The following BICD1 variants were observed in gnomAD, a reference collection of about 807,000 sequenced individuals.
The protein encoded by BICD1 is BICD cargo adaptor 1, also known as protein bicaudal D homolog 1.
BICD1 carries 35 observed loss-of-function variants against 92.5 expected under a neutral mutation model. The observed-to-expected ratio is 0.38, with a 90% CI of 0.29 to 0.50. The LOEUF (loss-of-function observed/expected upper bound fraction) is 0.50, where lower values mean the gene tolerates loss of function less well. Among genes scored for constraint, BICD1 ranks in the 20% least tolerant of loss-of-function variants. BICD1 has a pLI of 0.93. For missense variants in BICD1, 950 were observed against 1,189.8 expected (o/e 0.80, Z 2.97); for synonymous variants, 429 against 465.1 (o/e 0.92, Z 1.00).
intron 1 of BICD1, among the ~76,000 whole-genome samples, chr12:32,139,918 T>A (rs943065088): frequency 5.3e-5 from 8 of 152,146 alleles, no homozygotes; most frequent in African/African-American, 1.7e-4. Context: ...GTGTTTCAGT[T>A]TTCAGAGTCT....
At chr12:32,186,984 C>T (rs546285081) in intron 1 of BICD1, among the ~76,000 whole-genome samples, 25 of 152,250 alleles carry the variant, frequency 1.6e-4, no homozygotes, top group Admixed American at 2.6e-4. Context: ...CTAACTGGCT[C>T]AGTGAATTTG....
At chr12:32,348,743 T>A (rs575509790) in intron 8 of BICD1, among the ~76,000 whole-genome samples, 25 of 19,316 alleles carry the variant, frequency 1.3e-3, no homozygotes, top group East Asian at 0.013. Flanking sequence ...TATATATATA[T>A]ATATATATAT....
At chr12:32,126,253 A>C (rs538925456) in intron 1 of BICD1, among the ~76,000 whole-genome samples, 8 of 152,010 alleles carry the variant, frequency 5.3e-5, no homozygotes, top group Non-Finnish European at 1.2e-4. Context: ...GTGGTGGGAA[A>C]AATTGTATAC....
chr12:32,291,862 T>C (rs1947734784), intron 2 of BICD1, among the ~76,000 whole-genome samples: 1 of 151,964 alleles, frequency 6.6e-6, no homozygotes, highest in Non-Finnish European at 1.5e-5. Context: ...CTGTGGACTA[T>C]GAAGCAAGAT....
At chr12:32,243,406 G>T (rs79910860) in intron 2 of BICD1, among the ~76,000 whole-genome samples, 1 of 151,462 alleles carries the variant, frequency 6.6e-6, no homozygotes, top group Non-Finnish European at 1.5e-5. Flanking sequence ...GAGCAACTGC[G>T]TCTGGCCAGG....
intron 1 of BICD1, among the ~76,000 whole-genome samples, chr12:32,171,952 C>G (rs1270800591): frequency 3.8e-5 from 1 of 26,242 alleles, no homozygotes; most frequent in Admixed American, 4.0e-4. Flanking sequence ...CACACACACA[C>G]ACACACACAC....
At chr12:32,329,457 C>T (rs780941768) in intron 5 of BICD1, among the ~76,000 whole-genome samples, 4 of 152,030 alleles carry the variant, frequency 2.6e-5, no homozygotes, top group Non-Finnish European at 4.4e-5. Context: ...GAAACAAGAG[C>T]GCTAAATAAA....
At chr12:32,263,070 G>C (rs947078215) in intron 2 of BICD1, among the ~76,000 whole-genome samples, 7 of 152,046 alleles carry the variant, frequency 4.6e-5, no homozygotes, top group African/African-American at 1.7e-4. Context: ...GGGCAGCCAA[G>C]GCTGTAGTGA....
chr12:32,297,845 G>A lies in BICD1; in HGVS notation c.579+3699G>A, dbSNP rs114924572. On this transcript the variant is annotated intron_variant, in intron 3 of 9. Transcript: ENST00000652176. ...CCTTCCATTAACATATAGCACCTAC[G>A]ATAGAGCCTGATCCACAGTAGATAT... Among the ~76,000 whole-genome samples the A allele has an allele frequency of 3.4e-3, 522 of 151,814 alleles. 5 individuals carry two copies. The highest frequency in any genetic ancestry group is 0.011 in the African/African-American group (461 of 41,346).
At chr12:32,176,076 G>A (rs937055536) in intron 1 of BICD1, among the ~76,000 whole-genome samples, 2 of 152,098 alleles carry the variant, frequency 1.3e-5, no homozygotes, top group Non-Finnish European at 2.9e-5. Flanking sequence ...TTCCTCTGTT[G>A]CTGAATAATA....
chr12:32,373,644 G>A lies in BICD1; in HGVS notation c.2841-3896G>A, dbSNP rs186021762. 2.2e-3 allele frequency among the ~76,000 whole-genome samples: 333 copies of A among 152,096 alleles called. 1 individual carries two copies. The highest frequency in any genetic ancestry group is 7.7e-3 in the African/African-American group (320 of 41,502). ...TCCCAACACTTTGGGAGGCTGAGGC[G>A]GGTGGATCACAAGGTCAGGAGTTCG... On this transcript the variant is annotated intron_variant, in intron 9 of 9. Coordinates refer to ENST00000652176, the MANE Select transcript of BICD1 (RefSeq NM_001714.4).
rs1363779246 is a variant in BICD1, at chr12:32,106,974, C to T, written c.-358C>T. On this transcript the variant is annotated 5_prime_UTR_variant, in exon 1 of 10. Coordinates refer to ENST00000652176, the MANE Select transcript of BICD1 (RefSeq NM_001714.4). ...CGGCCCGGGAGACATGGCGGACGGG[C>T]GTCTCTGAATAAGCAGAATCCGGAG... 1.2e-5 allele frequency: 3 copies of T among 242,450 alleles called. No individual in the cohort carries two copies. The highest frequency in any genetic ancestry group is 1.1e-4 in the East Asian group (1 of 9,238). 15.0% of individuals were successfully genotyped at this position (242,450 alleles called of 1,614,324 possible). A position where few individuals can be genotyped will look rare whatever the true frequency, so the allele number is the denominator to read the frequency against.
Position 32,327,464 on chromosome 12 carries a change from G to C in BICD1, c.1009G>C (p.Glu337Gln), listed in dbSNP as rs1038396187. The C allele has an allele frequency of 6.3e-7, 1 of 1,595,514 alleles. No homozygotes were observed. Among genetic ancestry groups the C allele is most frequent in the Non-Finnish European group, 8.6e-7 (1 of 1,168,784 alleles). ...AAACTTTCTTTTGCCATTGCAGGTA[G>C]AGCGGGAAAAGGCCATTCTTTTGGC... ...QKLKQQLMQV[E>Q]REKAILLANL... Residue 337 changes from glutamate to glutamine, a missense_variant, in exon 5 of 10, where the codon GAG becomes CAG. Coordinates refer to ENST00000652176, the MANE Select transcript of BICD1 (RefSeq NM_001714.4).
At chr12:32,252,080 ATTT>A (rs1946553600) in intron 2 of BICD1, among the ~76,000 whole-genome samples, 1 of 45,236 alleles carries the variant, frequency 2.2e-5, no homozygotes, top group African/African-American at 1.0e-4. Flanking sequence ...TATAATATAT[ATTT>A]ATAAATATAT....
At chr12:32,135,717 T>G (rs1942714488) in intron 1 of BICD1, among the ~76,000 whole-genome samples, 1 of 152,130 alleles carries the variant, frequency 6.6e-6, no homozygotes, top group Admixed American at 6.5e-5. Context: ...AGCGTGAATC[T>G]CTAATTCACC....
intron 8 of BICD1, among the ~76,000 whole-genome samples, chr12:32,342,278 G>A (rs1447320896): frequency 7.2e-6 from 1 of 137,952 alleles, no homozygotes; most frequent in Non-Finnish European, 1.5e-5. Context: ...TTTTTGAGAC[G>A]GAGTTTTCCT....
intron 2 of BICD1, among the ~76,000 whole-genome samples, chr12:32,278,354 A>C (rs946084825): frequency 3.3e-5 from 5 of 152,352 alleles, no homozygotes. Flanking sequence ...TTGAATTTTA[A>C]ACAGAGAAAG....
At chr12:32,196,383 A>C (rs35973578) in intron 1 of BICD1, among the ~76,000 whole-genome samples, 4,358 of 152,308 alleles carry the variant, frequency 0.029, 75 homozygotes, top group Non-Finnish European at 0.04. Context: ...AAACAACCTA[A>C]GTATCTGTCA....
intron 1 of BICD1, among the ~76,000 whole-genome samples, chr12:32,116,829 C>G (rs1188572017): frequency 6.6e-6 from 1 of 152,018 alleles, no homozygotes; most frequent in Non-Finnish European, 1.5e-5. Context: ...ATTCTCCCAC[C>G]TCAGCCTCCC....
Sources: allele counts gnomAD v4.1 joint callset (sites outside exome capture counted in the v4.1 genomes callset), GRCh38; gene constraint gnomAD v4.1.1; transcripts MANE v1.5; gene names NCBI Gene and HGNC (gene_info 2026-07-23, HGNC 2026-07-21).